GDPD5: variants seen among roughly 807,000 people sequenced by gnomAD.
The protein encoded by GDPD5 is glycerophosphodiester phosphodiesterase domain containing 5.
Under a neutral mutation model 75.1 loss-of-function variants are expected in GDPD5, and 48 were observed. The observed-to-expected ratio is 0.64, with a 90% CI of 0.51 to 0.81. The LOEUF is 0.81. Ranked by LOEUF, GDPD5 falls within the 40% of genes least tolerant of loss-of-function variation. GDPD5 has a pLI of 0.00. For missense variants in GDPD5, 706 were observed against 822.6 expected (o/e 0.86, Z 1.73); for synonymous variants, 336 against 339.0 (o/e 0.99, Z 0.10).
At position 75,449,602 on chromosome 11, in the gene GDPD5, C is replaced by T. The variant is rs373585381; in HGVS notation, c.483G>A (p.Ala161=). The change falls in exon 8 of 17, where the codon GCG becomes GCA. Residue 161 remains alanine (A), a synonymous_variant. Coordinates refer to ENST00000336898, the MANE Select transcript of GDPD5 (RefSeq NM_030792.8). Reference sequence around the variant, plus strand: ...CCACAGCCCCCACATGCAGGAATGGCGCTGTGCCCTGTTTGCAGGGAGAGG... The same window carrying T: ...CCACAGCCCCCACATGCAGGAATGGTGCTGTGCCCTGTTTGCAGGGAGAGG... The part of the protein sequence containing the change: ...EVLLISLQGT[A]PFLHVGAVAA... The T allele has an allele frequency of 2.8e-4, 448 of 1,577,872 alleles. No homozygotes were observed. Among genetic ancestry groups the T allele is most frequent in the East Asian group, 3.5e-4 (15 of 43,462 alleles).
chr11:75,456,538 A>T (rs755238715), intron 6 of GDPD5: 1 of 585,056 alleles, frequency 1.7e-6, no homozygotes, highest in Admixed American at 3.0e-5. Flanking sequence ...ATGGAATGAT[A>T]ACAGTACCTA....
chr11:75,515,778 CCT>C (rs1264367955), intron 1 of GDPD5, among the ~76,000 whole-genome samples: 5 of 152,196 alleles, frequency 3.3e-5, no homozygotes, highest in Non-Finnish European at 7.4e-5. Flanking sequence ...CAGAGGTTCC[CCT>C]GTCCCTGGCA....
At chr11:75,483,487 G>A (rs1011834767) in intron 2 of GDPD5, among the ~76,000 whole-genome samples, 6 of 152,062 alleles carry the variant, frequency 3.9e-5, no homozygotes, top group African/African-American at 7.2e-5. Flanking sequence ...CCAGGCCCAC[G>A]CTGTGCCCCC....
At chr11:75,505,927 A>G (rs1386485068) in intron 1 of GDPD5, among the ~76,000 whole-genome samples, 1 of 151,812 alleles carries the variant, frequency 6.6e-6, no homozygotes, top group Admixed American at 6.6e-5. Context: ...AAGAATTCTG[A>G]CTCTTGCCTC....
chr11:75,466,974 C>T (rs542295676), intron 3 of GDPD5, among the ~76,000 whole-genome samples: 3 of 152,238 alleles, frequency 2.0e-5, no homozygotes, highest in East Asian at 1.9e-4. Context: ...CCCAGTATGG[C>T]GATCCCAGGC....
chr11:75,442,354 G>A lies in GDPD5; in HGVS notation c.1167+9C>T, dbSNP rs1477769077. 4.5e-6 allele frequency: 7 copies of A among 1,544,094 alleles called. No homozygotes were observed. Among genetic ancestry groups the A allele is most frequent in the South Asian group, 1.2e-5 (1 of 83,598 alleles). ...CTCCCGGGGGCAGAGCTGCGTTGCAGGGCCTCACCTGGTGCTGGGGGAAGC... is the reference window on the plus strand; with the variant it reads ...CTCCCGGGGGCAGAGCTGCGTTGCAAGGCCTCACCTGGTGCTGGGGGAAGC... On this transcript the variant is annotated intron_variant, in intron 12 of 16. Transcript: ENST00000336898.
At chr11:75,467,345 C>T (rs901421624) in intron 3 of GDPD5, among the ~76,000 whole-genome samples, 7 of 152,202 alleles carry the variant, frequency 4.6e-5, no homozygotes, top group African/African-American at 1.7e-4. Context: ...GCTCACTGGG[C>T]TGCGAGCTCC....
chr11:75,519,435 G>A (rs534110703), intron 1 of GDPD5, among the ~76,000 whole-genome samples: 18 of 152,242 alleles, frequency 1.2e-4, no homozygotes, highest in South Asian at 8.3e-4. Context: ...TTCATTCCAC[G>A]GAGCAGCTGC....
At chr11:75,475,623 G>C (rs1423248955) in intron 3 of GDPD5, among the ~76,000 whole-genome samples, 1 of 150,696 alleles carries the variant, frequency 6.6e-6, no homozygotes, top group Non-Finnish European at 1.5e-5. Flanking sequence ...GGAGGAGACA[G>C]GGGGCGGAGC....
chr11:75,487,506 A>G (rs563543491), intron 2 of GDPD5, among the ~76,000 whole-genome samples: 1 of 152,272 alleles, frequency 6.6e-6, no homozygotes, highest in East Asian at 1.9e-4. Context: ...GGGAAATGTT[A>G]CTCAGTGGCT....
chr11:75,473,020 A>G (rs1949702314), intron 3 of GDPD5, among the ~76,000 whole-genome samples: 1 of 151,952 alleles, frequency 6.6e-6, no homozygotes, highest in Non-Finnish European at 1.5e-5. Context: ...GGGCATTCCA[A>G]GCAGAGGGAA....
intron 2 of GDPD5, among the ~76,000 whole-genome samples, chr11:75,486,031 G>A (rs1950016024): frequency 6.6e-6 from 1 of 152,178 alleles, no homozygotes; most frequent in Non-Finnish European, 1.5e-5. Context: ...AACACCAGTA[G>A]GCTGAGTGAC....
At chr11:75,519,875 G>A (rs1158925317) in intron 1 of GDPD5, among the ~76,000 whole-genome samples, 1 of 152,234 alleles carries the variant, frequency 6.6e-6, no homozygotes, top group Non-Finnish European at 1.5e-5. Flanking sequence ...GTGTGTGTGA[G>A]CAGCACCAAA....
At chr11:75,449,217 G>C in intron 8 of GDPD5, 95 bp from the exon 9 acceptor site, 1 of 1,420,014 alleles carries the variant, frequency 7.0e-7, no homozygotes, top group Non-Finnish European at 9.5e-7. Flanking sequence ...CAGGATCCAG[G>C]TGCTCTAGGG....
At chr11:75,468,050 A>G (rs1278638921) in intron 3 of GDPD5, among the ~76,000 whole-genome samples, 1 of 152,122 alleles carries the variant, frequency 6.6e-6, no homozygotes, top group Non-Finnish European at 1.5e-5. Flanking sequence ...CCAGCCCCAC[A>G]CAGGAAGCAT....
At chr11:75,472,125 T>C (rs755051208) in intron 3 of GDPD5, among the ~76,000 whole-genome samples, 1 of 152,128 alleles carries the variant, frequency 6.6e-6, no homozygotes, top group Non-Finnish European at 1.5e-5. Flanking sequence ...TTCCTATCCA[T>C]GATCTAATTG....
intron 2 of GDPD5, among the ~76,000 whole-genome samples, chr11:75,481,655 A>G (rs1361765671): frequency 6.6e-6 from 1 of 152,028 alleles, no homozygotes; most frequent in East Asian, 1.9e-4. Flanking sequence ...AGGCACCCCC[A>G]CATTCCCAGC....
intron 9 of GDPD5, among the ~76,000 whole-genome samples, chr11:75,447,042 TC>T (rs773549011): frequency 9.9e-5 from 15 of 152,044 alleles, no homozygotes; most frequent in Non-Finnish European, 7.3e-5. Flanking sequence ...TACCACCACA[TC>T]CAGCTAATGT....
intron 4 of GDPD5, among the ~76,000 whole-genome samples, chr11:75,461,726 T>C (rs1949417791): frequency 6.6e-6 from 1 of 152,184 alleles, no homozygotes; most frequent in African/African-American, 2.4e-5. Flanking sequence ...AAGGAGAGGC[T>C]TAGAGAGCAC....
Sources: gnomAD v4.1 joint callset for allele counts (sites outside exome capture counted in the v4.1 genomes callset) on GRCh38, gnomAD v4.1.1 for gene constraint, MANE v1.5 for transcripts, NCBI Gene and HGNC (gene_info 2026-07-23, HGNC 2026-07-21) for gene names.